IL1RAPL2: variants seen among roughly 807,000 people sequenced by gnomAD.
IL1RAPL2 encodes X-linked interleukin-1 receptor accessory protein-like 2.
In IL1RAPL2, 3 loss-of-function variants were observed where a neutral mutation model predicts 44.1. The observed-to-expected ratio is 0.07, with a 90% CI of 0.03 to 0.18. The LOEUF (loss-of-function observed/expected upper bound fraction) is 0.18. Ranked by LOEUF, IL1RAPL2 falls within the 10% of genes least tolerant of loss-of-function variation. The pLI, the probability that IL1RAPL2 is intolerant of heterozygous loss-of-function variation, is 1.00. For missense variants in IL1RAPL2, 391 were observed against 496.4 expected, an observed-to-expected ratio of 0.79 and a Z score of 2.02; for synonymous variants, 181 against 178.8, an observed-to-expected ratio of 1.01 and a Z score of -0.10.
At chrX:105,432,938 C>T (rs1017799951) in intron 5 of IL1RAPL2, among the ~76,000 whole-genome samples, 3 of 110,746 alleles carry the variant, frequency 2.7e-5, no homozygotes, top group Non-Finnish European at 3.8e-5. Context: ...GTCTTGGTGG[C>T]AGATGGGAAA....
intron 5 of IL1RAPL2, among the ~76,000 whole-genome samples, chrX:105,332,162 CA>C (rs897275933): frequency 1.8e-5 from 2 of 109,880 alleles, no homozygotes; most frequent in African/African-American, 6.6e-5. Context: ...GGAATAGGTC[CA>C]AAAAAAATTT....
intron 6 of IL1RAPL2, among the ~76,000 whole-genome samples, chrX:105,608,433 T>A (rs2037311572): frequency 9.0e-6 from 1 of 111,407 alleles, no homozygotes; most frequent in Admixed American, 9.5e-5. Context: ...AAGGAAAGAG[T>A]AAGTGGGCAA....
At chrX:105,335,914 C>A (rs768641907) in intron 5 of IL1RAPL2, among the ~76,000 whole-genome samples, 1 of 112,098 alleles carries the variant, frequency 8.9e-6, no homozygotes, top group East Asian at 2.8e-4. Context: ...ATGTCCTTAG[C>A]TTTCCTCTGG....
chrX:104,603,168 G>A (rs980752800), intron 1 of IL1RAPL2, among the ~76,000 whole-genome samples: 2 of 111,385 alleles, frequency 1.8e-5, no homozygotes, highest in African/African-American at 6.5e-5. Flanking sequence ...AGCCTCCACT[G>A]GTGATACCCA....
At chrX:104,674,937 T>C (rs1177999189) in intron 2 of IL1RAPL2, among the ~76,000 whole-genome samples, 4 of 111,838 alleles carry the variant, frequency 3.6e-5, no homozygotes, top group African/African-American at 1.3e-4. Context: ...GTGGGATCGG[T>C]GGTGATATCC....
intron 2 of IL1RAPL2, among the ~76,000 whole-genome samples, chrX:105,189,239 A>G (rs2033614714): frequency 8.9e-6 from 1 of 112,356 alleles, no homozygotes; most frequent in Admixed American, 9.4e-5. Flanking sequence ...TATTTTTGAG[A>G]CAGAGTCTTG....
intron 6 of IL1RAPL2, among the ~76,000 whole-genome samples, chrX:105,608,156 AT>A (rs1220244458): frequency 9.0e-6 from 1 of 111,380 alleles, no homozygotes; most frequent in South Asian, 3.7e-4. Context: ...TATTTGTATT[AT>A]TTTTTATCTT....
At chrX:104,998,848 C>T (rs1009805407) in intron 2 of IL1RAPL2, among the ~76,000 whole-genome samples, 2 of 111,313 alleles carry the variant, frequency 1.8e-5, no homozygotes, top group African/African-American at 6.5e-5. Flanking sequence ...CTTATCCAGG[C>T]TGGAGTGCAG....
intron 2 of IL1RAPL2, among the ~76,000 whole-genome samples, chrX:105,141,094 G>A (rs940385834): frequency 9.0e-6 from 1 of 111,510 alleles, no homozygotes; most frequent in Non-Finnish European, 1.9e-5. Flanking sequence ...TAAAATCAAT[G>A]TTTTCGTTAA....
chrX:105,544,891 C>T (rs1156506752), intron 6 of IL1RAPL2, among the ~76,000 whole-genome samples: 1 of 110,643 alleles, frequency 9.0e-6, no homozygotes. Context: ...TAGTTATTTT[C>T]TTAATGGTTG....
At chrX:105,078,725 A>G (rs1036131802) in intron 2 of IL1RAPL2, among the ~76,000 whole-genome samples, 1 of 115 alleles carries the variant, frequency 8.7e-3, no homozygotes, top group African/African-American at 0.024. Flanking sequence ...CTCAAGCCTG[A>G]GCAATGCGGT....
rs780411280 is a variant in IL1RAPL2 at position 105,541,525 on chromosome X, A to C, written c.772+57138A>C. Among the ~76,000 whole-genome samples the C allele has an allele frequency of 1.2e-4, 13 of 111,586 alleles. No individual in the cohort carries two copies. The South Asian group carries it at 4.9e-3, about 42-fold the overall frequency. On this transcript the variant is annotated intron_variant, in intron 6 of 10. Coordinates refer to ENST00000372582, the MANE Select transcript of IL1RAPL2 (RefSeq NM_017416.2). Reference sequence around the variant, plus strand: ...CTTAGGGAAAGGTAAATCTGGACAAAGTAGTTGGGGCAGATTGTAGAGAGC... The same window carrying C: ...CTTAGGGAAAGGTAAATCTGGACAACGTAGTTGGGGCAGATTGTAGAGAGC...
intron 5 of IL1RAPL2, among the ~76,000 whole-genome samples, chrX:105,393,884 T>A (rs2035544356): frequency 8.9e-6 from 1 of 112,291 alleles, no homozygotes; most frequent in Non-Finnish European, 1.9e-5. Context: ...TCAGCCTCCC[T>A]ATTTCATAAG....
intron 2 of IL1RAPL2, among the ~76,000 whole-genome samples, chrX:105,159,991 C>G (rs933859712): frequency 6.0e-5 from 6 of 99,267 alleles, no homozygotes; most frequent in African/African-American, 1.5e-4. Context: ...AACCCCCCCC[C>G]CCACTCCACC....
chrX:104,731,975 G>A (rs750004702), intron 2 of IL1RAPL2, among the ~76,000 whole-genome samples: 2 of 111,993 alleles, frequency 1.8e-5, no homozygotes, highest in East Asian at 5.6e-4. Flanking sequence ...CTCTTTCTCT[G>A]ACCACACTGC....
intron 2 of IL1RAPL2, among the ~76,000 whole-genome samples, chrX:105,132,599 G>T (rs1032222886): frequency 9.0e-6 from 1 of 111,557 alleles, no homozygotes; most frequent in Non-Finnish European, 1.9e-5. Flanking sequence ...AGGACAATGT[G>T]CCTGGATGGT....
intron 2 of IL1RAPL2, among the ~76,000 whole-genome samples, chrX:104,898,488 A>G (rs893067947): frequency 8.9e-6 from 1 of 112,783 alleles, no homozygotes; most frequent in African/African-American, 3.2e-5. Context: ...ATTTCAAATA[A>G]GAATCAGAAA....
chrX:105,763,308 T>C (rs192237797), intron 10 of IL1RAPL2, among the ~76,000 whole-genome samples: 50 of 111,874 alleles, frequency 4.5e-4, no homozygotes, highest in African/African-American at 1.6e-3. Context: ...ATCACAGTCA[T>C]TGGATGCAGA....
intron 5 of IL1RAPL2, among the ~76,000 whole-genome samples, chrX:105,424,674 C>T (rs986891253): frequency 3.7e-5 from 4 of 109,070 alleles, no homozygotes; most frequent in Admixed American, 9.8e-5. Flanking sequence ...CGCCTGAACC[C>T]GGGAGGAGGA....
Sources: gnomAD v4.1 joint callset for allele counts (sites outside exome capture counted in the v4.1 genomes callset) on GRCh38, gnomAD v4.1.1 for gene constraint, MANE v1.5 for transcripts, NCBI Gene and HGNC (gene_info 2026-07-23, HGNC 2026-07-21) for gene names.